The following SLC35F1 variants were observed in gnomAD, a reference collection of about 807,000 sequenced individuals.
SLC35F1 encodes chromosome 6 open reading frame 169.
A neutral mutation model predicts 48.7 loss-of-function variants in SLC35F1; 14 were observed. That is an observed-to-expected ratio of 0.29 (90% confidence interval 0.19 to 0.45). SLC35F1 has a LOEUF of 0.45. Among genes scored for constraint, SLC35F1 ranks in the 20% least tolerant of loss-of-function variants. The pLI, the probability that SLC35F1 is intolerant of heterozygous loss-of-function variation, is 1.00. For missense variants in SLC35F1, 404 were observed against 500.0 expected (o/e 0.81, Z 1.83); for synonymous variants, 190 against 202.2 (o/e 0.94, Z 0.51).
At chr6:118,099,588 C>T (rs1773228173) in intron 1 of SLC35F1, among the ~76,000 whole-genome samples, 1 of 152,060 alleles carries the variant, frequency 6.6e-6, no homozygotes, top group Non-Finnish European at 1.5e-5. Context: ...GCCTGAAATG[C>T]TCATTCATGC....
intron 1 of SLC35F1, 67 bp from the exon 2 acceptor site, chr6:118,154,378 T>G: frequency 6.8e-7 from 1 of 1,460,696 alleles, no homozygotes; most frequent in Non-Finnish European, 9.3e-7. Flanking sequence ...TCAAAAAGTT[T>G]TAATTGCTAT....
At chr6:118,241,938 T>A (rs1385372730) in intron 3 of SLC35F1, among the ~76,000 whole-genome samples, 3 of 152,236 alleles carry the variant, frequency 2.0e-5, no homozygotes, top group Non-Finnish European at 4.4e-5. Flanking sequence ...TATCCCCTGG[T>A]AGGAATAAAC....
intron 3 of SLC35F1, among the ~76,000 whole-genome samples, chr6:118,257,799 A>G (rs1359989780): frequency 1.3e-5 from 2 of 152,200 alleles, no homozygotes; most frequent in East Asian, 3.8e-4. Context: ...TAAGTTGAAG[A>G]TAAAGAACAA....
chr6:117,997,357 A>G (rs1481916158), intron 1 of SLC35F1, among the ~76,000 whole-genome samples: 1 of 151,804 alleles, frequency 6.6e-6, no homozygotes, highest in East Asian at 1.9e-4. Flanking sequence ...TCTGCAGGAT[A>G]TTATCCAGGA....
At chr6:118,132,035 A>C (rs566254561) in intron 1 of SLC35F1, among the ~76,000 whole-genome samples, 1 of 152,278 alleles carries the variant, frequency 6.6e-6, no homozygotes, top group South Asian at 2.1e-4. Context: ...TAAGGACCTC[A>C]AGAAATGGAT....
chr6:118,312,865 T>C (rs1776386891), intron 7 of SLC35F1, among the ~76,000 whole-genome samples: 1 of 152,186 alleles, frequency 6.6e-6, no homozygotes, highest in Non-Finnish European at 1.5e-5. Context: ...CAATTAATTT[T>C]TGTCTTTTTA....
At chr6:118,144,388 G>A (rs1773939142) in intron 1 of SLC35F1, among the ~76,000 whole-genome samples, 1 of 151,776 alleles carries the variant, frequency 6.6e-6, no homozygotes, top group South Asian at 2.1e-4. Context: ...GCTGAACCAT[G>A]TGAACACATG....
intron 2 of SLC35F1, among the ~76,000 whole-genome samples, chr6:118,225,271 T>A (rs1443292200): frequency 6.6e-6 from 1 of 152,158 alleles, no homozygotes; most frequent in Non-Finnish European, 1.5e-5. Context: ...TAAATCAGCA[T>A]GGTACTGGCA....
intron 7 of SLC35F1, among the ~76,000 whole-genome samples, chr6:118,305,048 ATGTGTGTGTGTGTGTGTG>A (rs758520455): frequency 2.9e-4 from 23 of 80,226 alleles, no homozygotes; most frequent in African/African-American, 1.1e-3. Context: ...ATCAACAGGA[ATGTGTGTGTGTGTGTGTG>A]TGTGTGTGTG....
chr6:118,010,155 T>A (rs6908566), intron 1 of SLC35F1, among the ~76,000 whole-genome samples: 151,398 of 152,272 alleles, frequency 0.99, 75,270 homozygotes, highest in Middle Eastern at 1. Context: ...AGTATTTAGA[T>A]CTCTAATTCC....
intron 1 of SLC35F1, among the ~76,000 whole-genome samples, chr6:118,057,124 T>C (rs575107231): frequency 2.0e-5 from 3 of 152,154 alleles, no homozygotes; most frequent in Admixed American, 2.0e-4. Context: ...AACTCCAGAG[T>C]CTATGAGAAG....
At chr6:117,922,835 T>A (rs1775916696) in intron 1 of SLC35F1, among the ~76,000 whole-genome samples, 1 of 152,200 alleles carries the variant, frequency 6.6e-6, no homozygotes, top group Non-Finnish European at 1.5e-5. Flanking sequence ...TCCCTAAGCA[T>A]CTTCCTGTGT....
In SLC35F1 at chr6:118,163,618, A is replaced by T. The variant is rs116566685; in HGVS notation, c.349+8998A>T. 2.5e-3 allele frequency among the ~76,000 whole-genome samples: 386 copies of T among 152,328 alleles called. 2 individuals are homozygous for T. Among genetic ancestry groups the T allele is most frequent in the African/African-American group, 8.9e-3 (369 of 41,562 alleles). On this transcript the variant is annotated intron_variant, in intron 2 of 7. Coordinates refer to ENST00000360388, the MANE Select transcript of SLC35F1 (RefSeq NM_001029858.4). Reference sequence around the variant, plus strand: ...TAATTCTGGAAATCTTTAAGCATTCATCTATCCATGCTGAGAGCTAGCATA... The same window carrying T: ...TAATTCTGGAAATCTTTAAGCATTCTTCTATCCATGCTGAGAGCTAGCATA...
chr6:118,227,044 C>T (rs1310373719), intron 2 of SLC35F1, among the ~76,000 whole-genome samples: 2 of 152,126 alleles, frequency 1.3e-5, no homozygotes, highest in Non-Finnish European at 2.9e-5. Flanking sequence ...GGTGGAATAA[C>T]CTGGGTGACA....
chr6:118,244,996 G>A (rs762631337), intron 3 of SLC35F1, among the ~76,000 whole-genome samples: 3 of 152,180 alleles, frequency 2.0e-5, no homozygotes. Flanking sequence ...ACAGGACACA[G>A]GTATGGAACA....
chr6:118,120,114 T>G (rs562512426), intron 1 of SLC35F1, among the ~76,000 whole-genome samples: 37 of 152,342 alleles, frequency 2.4e-4, no homozygotes, highest in African/African-American at 8.2e-4. Context: ...GGGTACAATT[T>G]GGCGAACTAC....
At chr6:117,920,480 C>T (rs1455793150) in intron 1 of SLC35F1, among the ~76,000 whole-genome samples, 4 of 152,138 alleles carry the variant, frequency 2.6e-5, no homozygotes, top group Non-Finnish European at 4.4e-5. Context: ...TAACTACTTG[C>T]GGAGAAAGTC....
chr6:118,070,973 CAT>C (rs1351999258), intron 1 of SLC35F1, among the ~76,000 whole-genome samples: 9 of 143,234 alleles, frequency 6.3e-5, no homozygotes, highest in South Asian at 2.1e-4. Context: ...TATATATACA[CAT>C]AGTATATATA....
At chr6:118,245,053 A>C (rs1775489714) in intron 3 of SLC35F1, among the ~76,000 whole-genome samples, 1 of 152,230 alleles carries the variant, frequency 6.6e-6, no homozygotes, top group Admixed American at 6.5e-5. Flanking sequence ...ATGTAAAGAT[A>C]ACTAAAAAAG....
Sources: allele counts gnomAD v4.1 joint callset (sites outside exome capture counted in the v4.1 genomes callset), GRCh38; gene constraint gnomAD v4.1.1; transcripts MANE v1.5; gene names NCBI Gene and HGNC (gene_info 2026-07-23, HGNC 2026-07-21).